DNAH14: variants seen among roughly 807,000 people sequenced by gnomAD.
DNAH14 encodes the protein dynein axonemal heavy chain 14, also known as axonemal beta dynein heavy chain 14.
In DNAH14, 478 loss-of-function variants were observed where a neutral mutation model predicts 520.9. The ratio of observed to expected loss-of-function variants is 0.92; its 90% CI spans 0.85 to 0.99. DNAH14 has a LOEUF of 0.99. Among genes scored for constraint, DNAH14 ranks in the 50% least tolerant of loss-of-function variants. DNAH14 has a pLI of 0.00. For missense variants in DNAH14, 4,831 were observed against 5,234.5 expected, an observed-to-expected ratio of 0.92 and a Z score of 2.38; for synonymous variants, 1,581 against 1,757.2, an observed-to-expected ratio of 0.90 and a Z score of 2.51.
At position 225,007,423 on chromosome 1, in the gene DNAH14, C is replaced by T. The variant is rs954851327; in HGVS notation, c.986C>T (p.Ser329Phe). The T allele has an allele frequency of 2.0e-6, 3 of 1,534,818 alleles. No individual in the cohort carries two copies. The Admixed American group carries it at 6.0e-5, about 31-fold the overall frequency. ...CTATCATCTAATTAGCTGGATAGTT[C>T]TCGAACATATTCTCTAGATGAATTT... The part of the protein sequence containing the change: ...SAICLVKLDS[S>F]RTYSLDEFCE... Residue 329 changes from serine to phenylalanine, a missense_variant, in exon 10 of 86, where the codon TCT becomes TTT. Physicochemically the swap from Ser to Phe is radical, Grantham distance 155. Transcript: ENST00000682510.
At chr1:225,148,472 G>T (rs931395838) in intron 31 of DNAH14, among the ~76,000 whole-genome samples, 9 of 135,890 alleles carry the variant, frequency 6.6e-5, no homozygotes, top group Admixed American at 1.7e-4. Context: ...CACAATCTCA[G>T]CTCACTGCAG....
rs185348183 is a variant in DNAH14 at position 225,331,521 on chromosome 1, G to A, written c.9808G>A (p.Ala3270Thr). The change falls in exon 65 of 86, where the codon GCC (alanine) becomes ACC (threonine). Residue 3270 changes from alanine to threonine, a missense_variant. Ala to Thr is a moderately conservative substitution (Grantham distance 58). Transcript: ENST00000682510. Reference sequence around the variant, plus strand: ...ACTATTAGCAAATCGGAAAACAATGGCCAGCAGGCGCTTTCAGTGTGCGTC... The same window carrying A: ...ACTATTAGCAAATCGGAAAACAATGACCAGCAGGCGCTTTCAGTGTGCGTC... ...KQLLANRKTM[A>T]SRRFQCASVL... 533 of 1,551,400 alleles carry A rather than the reference G, an allele frequency of 3.4e-4. 1 individual carries two copies. In the African/African-American group the frequency reaches 5.9e-3, roughly 17 times the overall value.
chr1:225,217,048 GT>G (rs2089451376), intron 41 of DNAH14, among the ~76,000 whole-genome samples: 1 of 152,080 alleles, frequency 6.6e-6, no homozygotes, highest in African/African-American at 2.4e-5. Flanking sequence ...TCTACCTTTG[GT>G]CTTTGATGAT....
Position 225,147,254 on chromosome 1 carries a change from T to G in DNAH14, c.4940+5T>G, listed in dbSNP as rs1406356520. The stretch of plus-strand genomic sequence containing the variant: ...AAAAGACAACTATTCTGCCAGGTAT[T>G]TGTCGAATGTGTTTATACCTTTTGA... On this transcript the variant is annotated splice_donor_5th_base_variant and intron_variant, in intron 31 of 85. Transcript: ENST00000682510. 2 of 1,540,232 alleles carry G rather than the reference T, an allele frequency of 1.3e-6. No individual in the cohort carries two copies. The highest frequency in any genetic ancestry group is 1.7e-6 in the Non-Finnish European group (2 of 1,143,938).
intron 74 of DNAH14, 29 bp from the exon 75 acceptor site, chr1:225,360,652 T>G: frequency 1.3e-6 from 2 of 1,529,858 alleles, no homozygotes; most frequent in South Asian, 2.4e-5. Flanking sequence ...AGCTTACAGT[T>G]TTATATACCT....
At chr1:225,094,394 A>T (rs1041928937) in intron 21 of DNAH14, among the ~76,000 whole-genome samples, 2 of 151,974 alleles carry the variant, frequency 1.3e-5, no homozygotes, top group African/African-American at 4.8e-5. Flanking sequence ...TTTATATTCT[A>T]TGGAATAACT....
chr1:225,203,231 T>A (rs12733733), intron 38 of DNAH14, among the ~76,000 whole-genome samples: 23,461 of 152,206 alleles, frequency 0.15, 2,121 homozygotes, highest in East Asian at 0.36. Context: ...ATCTGCCATG[T>A]TCTCTGCAAG....
chr1:225,065,178 A>T (rs2070707401), intron 17 of DNAH14, among the ~76,000 whole-genome samples: 1 of 151,952 alleles, frequency 6.6e-6, no homozygotes, highest in Non-Finnish European at 1.5e-5. Flanking sequence ...CCTGAATGGT[A>T]TTGCCTAGGA....
chr1:225,273,395 C>T (rs1210384757), intron 52 of DNAH14, among the ~76,000 whole-genome samples: 1 of 152,218 alleles, frequency 6.6e-6, no homozygotes, highest in Non-Finnish European at 1.5e-5. Flanking sequence ...GCCGAGATCG[C>T]ACCAGTGCAG....
intron 31 of DNAH14, among the ~76,000 whole-genome samples, chr1:225,150,246 A>T (rs1434549930): frequency 1.3e-5 from 2 of 152,332 alleles, no homozygotes; most frequent in Non-Finnish European, 2.9e-5. Context: ...CATAAAGCCT[A>T]GTTGATCGTG....
intron 17 of DNAH14, among the ~76,000 whole-genome samples, chr1:225,061,419 T>G (rs1294275974): frequency 2.0e-5 from 3 of 152,174 alleles, no homozygotes; most frequent in East Asian, 1.9e-4. Context: ...TGTCACCCCT[T>G]TCTTTGACTA....
In DNAH14 at chr1:225,340,641, G is replaced by C; in HGVS notation, c.10618G>C (p.Asp3540His). Residue 3540 changes from aspartate (D) to histidine (H), a missense_variant, in exon 69 of 86, where the codon GAT becomes CAT. Physicochemically the swap from Asp to His is moderately conservative, Grantham distance 81. Transcript: ENST00000682510. ...CAAGTTACTGGAGAGTATTTCCCTT[G>C]ATGCCATAACTCTTGAAGAACTAGA... ...RSKLLESISL[D>H]AITLEELEEK... The C allele has an allele frequency of 6.4e-7, 1 of 1,551,364 alleles. No individual in the cohort carries two copies. The highest frequency in any genetic ancestry group is 2.4e-5 in the East Asian group (1 of 40,834).
intron 54 of DNAH14, among the ~76,000 whole-genome samples, chr1:225,287,657 G>C (rs1017828072): frequency 6.6e-6 from 1 of 152,134 alleles, no homozygotes; most frequent in African/African-American, 2.4e-5. Context: ...GTGATCTCCA[G>C]TAGCAATGAG....
chr1:225,085,270 G>A lies in DNAH14; in HGVS notation c.3328-274G>A, dbSNP rs541705742. ...AAATAATACCATCTACACATATACA[G>A]AAGGTGTATACTCTTTATAACTGGC... is the stretch of plus-strand genomic sequence containing the variant. On this transcript the variant is annotated intron_variant, in intron 20 of 85. Coordinates refer to ENST00000682510, the MANE Select transcript of DNAH14 (RefSeq NM_001367479.1). Among the ~76,000 whole-genome samples the A allele has an allele frequency of 7.9e-5, 12 of 152,256 alleles. 1 individual carries two copies. The South Asian group carries it at 2.3e-3, about 29-fold the overall frequency.
chr1:225,022,598 A>G (rs2065797054), intron 10 of DNAH14, among the ~76,000 whole-genome samples: 1 of 152,188 alleles, frequency 6.6e-6, no homozygotes, highest in African/African-American at 2.4e-5. Context: ...TCAAAAAACA[A>G]TAGATGCTGG....
Position 225,338,138 on chromosome 1 carries a change from C to A in DNAH14, c.10389C>A (p.Phe3463Leu), listed in dbSNP as rs1241011724. 6.4e-7 allele frequency: 1 copy of A among 1,551,794 alleles called. No individual in the cohort carries two copies. Among genetic ancestry groups the A allele is most frequent in the Admixed American group, 2.0e-5 (1 of 50,984 alleles). The change falls in exon 68 of 86, where the codon TTC (phenylalanine) becomes TTA (leucine). Residue 3463 changes from phenylalanine (F) to leucine (L), a missense_variant. Transcript: ENST00000682510. ...TCTATCAGAAAAAAGGACACTATTTCATAAGGGTTGGTGATGCTGAGTTCG... is the reference window on the plus strand; with the variant it reads ...TCTATCAGAAAAAAGGACACTATTTAATAAGGGTTGGTGATGCTGAGTTCG... ...KDIYQKKGHY[F>L]IRVGDAEFEY...
Position 225,346,274 on chromosome 1 carries a change from A to C in DNAH14, c.10991A>C (p.His3664Pro), listed in dbSNP as rs1304403711. The C allele has an allele frequency of 6.4e-7, 1 of 1,551,356 alleles. No homozygotes were observed. Among genetic ancestry groups the C allele is most frequent in the African/African-American group, 1.4e-5 (1 of 73,148 alleles). The part of the protein sequence containing the change: ...KREKVSPKEV[H>P]EFISISKEPN... The stretch of plus-strand genomic sequence containing the variant: ...GAGAAAGTGTCTCCAAAAGAAGTTC[A>C]TGAGTTTATAAGTATTTCAAAAGAA... The change falls in exon 70 of 86, where the codon CAT becomes CCT. Residue 3664 changes from histidine (H) to proline (P), a missense_variant. Transcript: ENST00000682510.
At chr1:224,963,187 G>A (rs1406262058) in intron 4 of DNAH14, among the ~76,000 whole-genome samples, 1 of 151,972 alleles carries the variant, frequency 6.6e-6, no homozygotes, top group Non-Finnish European at 1.5e-5. Flanking sequence ...TATCTAGCCT[G>A]TTATGTAGGT....
At chr1:225,166,552 T>A (rs1467966568) in intron 35 of DNAH14, among the ~76,000 whole-genome samples, 10 of 152,226 alleles carry the variant, frequency 6.6e-5, no homozygotes, top group Non-Finnish European at 1.0e-4. Flanking sequence ...GCTTACACAG[T>A]GACCAGCCAT....
Sources: allele counts gnomAD v4.1 joint callset (sites outside exome capture counted in the v4.1 genomes callset), GRCh38; gene constraint gnomAD v4.1.1; transcripts MANE v1.5; gene names NCBI Gene and HGNC (gene_info 2026-07-23, HGNC 2026-07-21).